The following DCLK1 variants were observed in gnomAD, a reference collection of about 807,000 sequenced individuals.
DCLK1 encodes serine/threonine-protein kinase DCLK1.
In DCLK1, 16 loss-of-function variants were observed where a neutral mutation model predicts 86.2. The observed-to-expected ratio is 0.19, with a 90% confidence interval of 0.13 to 0.28. The LOEUF is 0.28. Among genes scored for constraint, DCLK1 ranks in the 10% least tolerant of loss-of-function variants. DCLK1 has a pLI of 1.00. For synonymous variants in DCLK1, 369 were observed against 370.5 expected, an observed-to-expected ratio of 1.00 and a Z score of 0.05; for missense variants, 590 against 940.2, an observed-to-expected ratio of 0.63 and a Z score of 4.87.
Position 35,770,135 on chromosome 13 carries a change from C to T in DCLK1, c.*4400G>A, listed in dbSNP as rs1045176915. On this transcript the variant is annotated 3_prime_UTR_variant, in exon 17 of 17. Coordinates refer to ENST00000360631, the MANE Select transcript of DCLK1 (RefSeq NM_001330071.2). Reference sequence around the variant, plus strand: ...TAAAAATAAAAGACTGGCTTAAAAGCACCTCCTCCTCTAGTGTGTAATTAC... The same window carrying T: ...TAAAAATAAAAGACTGGCTTAAAAGTACCTCCTCCTCTAGTGTGTAATTAC... 12 of 152,194 alleles carry T rather than the reference C, an allele frequency of 7.9e-5. No individual in the cohort carries two copies. Among genetic ancestry groups the T allele is most frequent in the Admixed American group, 3.9e-4 (6 of 15,290 alleles). 9.4% of individuals were successfully genotyped at this position (152,194 alleles called of 1,614,324 possible). A position where few individuals can be genotyped will look rare whatever the true frequency, so the allele number is the denominator to read the frequency against.
chr13:36,099,296 G>C (rs1246137596), intron 3 of DCLK1, among the ~76,000 whole-genome samples: 1 of 152,168 alleles, frequency 6.6e-6, no homozygotes, highest in African/African-American at 2.4e-5. Context: ...TGCTAGAAGT[G>C]TTATTAATTC....
At chr13:35,844,714 T>C (rs1219578339) in intron 6 of DCLK1, among the ~76,000 whole-genome samples, 3 of 152,228 alleles carry the variant, frequency 2.0e-5, no homozygotes, top group Admixed American at 2.0e-4. Flanking sequence ...TGTTAAACTC[T>C]GGTTATATTA....
chr13:35,857,193 A>T (rs1214524801), intron 5 of DCLK1, among the ~76,000 whole-genome samples: 3 of 152,144 alleles, frequency 2.0e-5, no homozygotes, highest in Admixed American at 6.5e-5. Flanking sequence ...CATTTAAGCA[A>T]AGCTATCTTC....
chr13:36,050,306 A>C (rs2153157022), intron 3 of DCLK1, among the ~76,000 whole-genome samples: 1 of 152,316 alleles, frequency 6.6e-6, no homozygotes, highest in Admixed American at 6.5e-5. Flanking sequence ...TATACTAAAA[A>C]GTTAATTGAA....
chr13:36,023,756 G>A (rs1881892684), intron 3 of DCLK1, among the ~76,000 whole-genome samples: 1 of 152,000 alleles, frequency 6.6e-6, no homozygotes, highest in Non-Finnish European at 1.5e-5. Flanking sequence ...ACTGGAAATA[G>A]AATGAACTTT....
chr13:35,987,715 C>T (rs1042258660), intron 3 of DCLK1, among the ~76,000 whole-genome samples: 1 of 152,170 alleles, frequency 6.6e-6, no homozygotes, highest in African/African-American at 2.4e-5. Context: ...ACCTAACCCG[C>T]CCTGAGTAAC....
chr13:35,917,350 C>T (rs1351813305), intron 4 of DCLK1, among the ~76,000 whole-genome samples: 2 of 152,252 alleles, frequency 1.3e-5, no homozygotes, highest in Admixed American at 6.5e-5. Context: ...AAAACAATAA[C>T]GCTGGATGGA....
At chr13:35,875,344 A>G (rs971070795) in intron 4 of DCLK1, among the ~76,000 whole-genome samples, 2 of 152,228 alleles carry the variant, frequency 1.3e-5, no homozygotes, top group African/African-American at 4.8e-5. Flanking sequence ...GATGGTACAC[A>G]TTGTTCATAA....
At chr13:35,908,301 C>G (rs1874797979) in intron 4 of DCLK1, among the ~76,000 whole-genome samples, 2 of 152,178 alleles carry the variant, frequency 1.3e-5, no homozygotes, top group Admixed American at 1.3e-4. Context: ...TACTATTCAT[C>G]ATTTCTCAAT....
In DCLK1 at chr13:35,871,194, A is replaced by C. The variant is rs757235277; in HGVS notation, c.940+30T>G. 5.0e-6 allele frequency: 8 copies of C among 1,586,958 alleles called. No individual in the cohort carries two copies. In the African/African-American group the frequency reaches 9.4e-5, roughly 19 times the overall value. On this transcript the variant is annotated intron_variant, in intron 5 of 16. Coordinates refer to ENST00000360631, the MANE Select transcript of DCLK1 (RefSeq NM_001330071.2). ...CTCATCCTGTGTCAGGAACAAGGCA[A>C]TTTCTTCAAAATCCCCTCTGCTGCT...
intron 3 of DCLK1, among the ~76,000 whole-genome samples, chr13:36,104,743 C>G (rs1175365711): frequency 6.6e-6 from 1 of 151,766 alleles, no homozygotes; most frequent in East Asian, 1.9e-4. Context: ...ATGACCTGTA[C>G]CATTGAAGAA....
At chr13:35,820,699 T>G (rs1293150833) in intron 11 of DCLK1, among the ~76,000 whole-genome samples, 1 of 152,178 alleles carries the variant, frequency 6.6e-6, no homozygotes, top group African/African-American at 2.4e-5. Flanking sequence ...GAGACAATCC[T>G]ACATAATTCA....
At chr13:35,910,654 C>T (rs1169601162) in intron 4 of DCLK1, among the ~76,000 whole-genome samples, 1 of 152,158 alleles carries the variant, frequency 6.6e-6, no homozygotes, top group Admixed American at 6.5e-5. Flanking sequence ...TGAAAACTAG[C>T]AGCATCCTGA....
At position 35,932,009 on chromosome 13, in the gene DCLK1, C is replaced by T. The variant is rs548759436; in HGVS notation, c.823+15349G>A. Among the ~76,000 whole-genome samples, 21 of 152,194 alleles carry T rather than the reference C, an allele frequency of 1.4e-4. No individual in the cohort carries two copies. The South Asian group carries it at 2.9e-3, about 21-fold the overall frequency. On this transcript the variant is annotated intron_variant, in intron 4 of 16. Transcript: ENST00000360631. Reference sequence around the variant, plus strand: ...TTAATTTTATGTGTCAAATTGAATGCGCCACAGGGTGCCCAGATTAAACAT... The same window carrying T: ...TTAATTTTATGTGTCAAATTGAATGTGCCACAGGGTGCCCAGATTAAACAT...
At chr13:35,904,689 A>G (rs1874582427) in intron 4 of DCLK1, among the ~76,000 whole-genome samples, 1 of 152,216 alleles carries the variant, frequency 6.6e-6, no homozygotes. Flanking sequence ...TGGGAGAGCC[A>G]GAAAGATTTA....
chr13:36,091,472 C>T (rs932008842), intron 3 of DCLK1, among the ~76,000 whole-genome samples: 1 of 152,206 alleles, frequency 6.6e-6, no homozygotes. Context: ...ATCCTCAATA[C>T]TTGGCACGTA....
chr13:35,802,331 CAAAA>C (rs34124656), intron 15 of DCLK1, among the ~76,000 whole-genome samples: 6 of 97,474 alleles, frequency 6.2e-5, no homozygotes, highest in Admixed American at 1.1e-4. Context: ...GACCCTGTCT[CAAAA>C]AAAAAAAAAA....
chr13:36,082,671 T>A (rs944573428), intron 3 of DCLK1, among the ~76,000 whole-genome samples: 8 of 152,200 alleles, frequency 5.3e-5, no homozygotes, highest in African/African-American at 1.9e-4. Flanking sequence ...CAGTCCTCAC[T>A]TAGACCACCC....
rs1373634306 is a variant in DCLK1 at position 35,771,936 on chromosome 13, TAGAA to T, written c.*2595_*2598del. ...ATCCCAAGAATGTCGAGAAAAAAAT[TAGAA>T]AGCACTGGCTAAAAGCAAAGCAATC... On this transcript the variant is annotated 3_prime_UTR_variant, in exon 17 of 17. Transcript: ENST00000360631. 12 of 152,330 alleles carry T rather than the reference TAGAA, an allele frequency of 7.9e-5. No homozygotes were observed. The East Asian group carries it at 2.1e-3, about 27-fold the overall frequency. The allele number at this position is 152,330 out of a possible 1,614,324, so 9.4% of individuals were successfully genotyped here. A position where few individuals can be genotyped will look rare whatever the true frequency, so the allele number is the denominator to read the frequency against.
Sources: allele counts gnomAD v4.1 joint callset (sites outside exome capture counted in the v4.1 genomes callset), GRCh38; gene constraint gnomAD v4.1.1; transcripts MANE v1.5; gene names NCBI Gene and HGNC (gene_info 2026-07-23, HGNC 2026-07-21).